HYCC2: variants seen among roughly 807,000 people sequenced by gnomAD.
HYCC2 encodes the protein hyccin PI4KA lipid kinase complex subunit 2.
chr2:200,982,573 G>C, the HYCC2 span, among the ~76,000 whole-genome samples: 7 of 152,130 alleles, frequency 4.6e-5, no homozygotes, highest in Admixed American at 1.3e-4. Context: ...TCAGAGAGCA[G>C]TGGTAGGGAA....
chr2:200,979,264 T>TACACACACACAC, the HYCC2 span: 1 of 144,188 alleles, frequency 6.9e-6, no homozygotes, highest in African/African-American at 2.5e-5. Flanking sequence ...ATACACACCA[T>TACACACACACAC]ACACACACAC....
chr2:200,979,748 A>G, the HYCC2 span: 1 of 152,646 alleles, frequency 6.6e-6, no homozygotes, highest in Non-Finnish European at 1.5e-5. Flanking sequence ...TTTAAGTCAC[A>G]ATACACTTTT....
the HYCC2 span, among the ~76,000 whole-genome samples, chr2:201,053,589 T>C: frequency 6.6e-6 from 1 of 152,188 alleles, no homozygotes; most frequent in Non-Finnish European, 1.5e-5. Context: ...CAGCCAGCAC[T>C]ACCCAACAAA....
At chr2:201,012,080 T>C in the HYCC2 span, among the ~76,000 whole-genome samples, 1 of 152,170 alleles carries the variant, frequency 6.6e-6, no homozygotes, top group African/African-American at 2.4e-5. Context: ...TTTTTTTAAA[T>C]GGTGAGAACC....
chr2:201,051,331 A>G, the HYCC2 span, among the ~76,000 whole-genome samples: 47 of 152,296 alleles, frequency 3.1e-4, 1 homozygote, highest in East Asian at 8.7e-3. Context: ...CATTATCACC[A>G]CTTCTATTCA....
chr2:201,062,016 G>T, the HYCC2 span, among the ~76,000 whole-genome samples: 162 of 152,080 alleles, frequency 1.1e-3, 3 homozygotes, highest in East Asian at 0.029. Flanking sequence ...GAGGAGGGAG[G>T]ACTGCTTGAG....
the HYCC2 span, among the ~76,000 whole-genome samples, chr2:200,984,178 T>TAC: frequency 6.6e-6 from 1 of 152,288 alleles, no homozygotes; most frequent in South Asian, 2.1e-4. Flanking sequence ...CAGCTGGGAC[T>TAC]ACAGGCATCT....
chr2:201,017,063 T>C, the HYCC2 span: 1 of 1,613,974 alleles, frequency 6.2e-7, no homozygotes, highest in Non-Finnish European at 8.5e-7. Flanking sequence ...CTGTAAGCCG[T>C]AAATAAACCC....
the HYCC2 span, among the ~76,000 whole-genome samples, chr2:201,033,159 ATGTGTGTGTGTGTGTGTG>A: frequency 2.5e-5 from 3 of 117,894 alleles, no homozygotes; most frequent in East Asian, 7.2e-4. Context: ...ATGTGTGTGT[ATGTGTGTGTGTGTGTGTG>A]TGTGTGTGTG....
the HYCC2 span, among the ~76,000 whole-genome samples, chr2:201,045,844 G>A: frequency 2.4e-4 from 37 of 152,238 alleles, no homozygotes; most frequent in African/African-American, 8.7e-4. Flanking sequence ...ATAAGACCTT[G>A]AGTAGATTAC....
At chr2:200,981,007 A>T in the HYCC2 span, 1 of 491,972 alleles carries the variant, frequency 2.0e-6, no homozygotes, top group South Asian at 2.2e-5. The surrounding 1 kb of genome is among the most constrained non-coding windows in gnomAD (Gnocchi z 4.5). Context: ...TCACCCAAGG[A>T]GAAAGGAAGG....
chr2:201,008,693 G>A, the HYCC2 span, among the ~76,000 whole-genome samples: 1 of 151,978 alleles, frequency 6.6e-6, no homozygotes, highest in Non-Finnish European at 1.5e-5. Context: ...CCAGGAGTTC[G>A]AGACCAGCCT....
the HYCC2 span, among the ~76,000 whole-genome samples, chr2:201,037,146 T>C: frequency 6.6e-6 from 1 of 152,204 alleles, no homozygotes; most frequent in Non-Finnish European, 1.5e-5. Context: ...CATTCACAAT[T>C]GCTTCAAAGA....
the HYCC2 span, among the ~76,000 whole-genome samples, chr2:201,057,553 T>C: frequency 6.6e-6 from 1 of 152,228 alleles, no homozygotes; most frequent in Non-Finnish European, 1.5e-5. Context: ...TTGTTACCAC[T>C]ACATAACCAA....
chr2:201,017,968 T>C, the HYCC2 span, among the ~76,000 whole-genome samples: 1 of 152,180 alleles, frequency 6.6e-6, no homozygotes, highest in African/African-American at 2.4e-5. Context: ...TACATATTTG[T>C]GCATCCAAAA....
chr2:200,997,949 T>G, the HYCC2 span, among the ~76,000 whole-genome samples: 1 of 152,152 alleles, frequency 6.6e-6, no homozygotes, highest in African/African-American at 2.4e-5. Flanking sequence ...GGCAGGAGAA[T>G]TGCTTGAACC....
the HYCC2 span, among the ~76,000 whole-genome samples, chr2:201,009,883 C>T: frequency 3.3e-5 from 5 of 151,838 alleles, no homozygotes; most frequent in African/African-American, 4.8e-5. Flanking sequence ...GTGGGCAGAT[C>T]AAGAGGTCAG....
At chr2:200,997,370 T>G in the HYCC2 span, 3 of 1,080,074 alleles carry the variant, frequency 2.8e-6, no homozygotes, top group South Asian at 4.0e-5. Context: ...GTTAGAACAG[T>G]GCTTGGCTTA....
chr2:201,065,701 C>T, the HYCC2 span, among the ~76,000 whole-genome samples: 1 of 152,200 alleles, frequency 6.6e-6, no homozygotes, highest in Non-Finnish European at 1.5e-5. Flanking sequence ...ATCAGGGTTC[C>T]AGCTCCAGCA....
Sources: gnomAD v4.1 joint callset for allele counts (sites outside exome capture counted in the v4.1 genomes callset) on GRCh38, gnomAD v4.1.1 for gene constraint, Gnocchi (gnomAD v3.1) non-coding constraint, MANE v1.5 for transcripts, NCBI Gene and HGNC (gene_info 2026-07-23, HGNC 2026-07-21) for gene names.